ALK: variants seen among roughly 807,000 people sequenced by gnomAD.
ALK encodes ALK tyrosine kinase receptor.
In ALK, 74 loss-of-function variants were observed where a neutral mutation model predicts 163.1. The ratio of observed to expected loss-of-function variants is 0.45; its 90% CI spans 0.38 to 0.55. ALK has a LOEUF of 0.55. Ranked by LOEUF, ALK falls within the 20% of genes least tolerant of loss-of-function variation. ALK has a pLI of 0.00. For synonymous variants in ALK, 960 were observed against 843.2 expected (o/e 1.14, Z -2.40); for missense variants, 2,063 against 2,105.3 (o/e 0.98, Z 0.39).
chr2:29,340,984 C>T (rs1199134983), intron 5 of ALK, among the ~76,000 whole-genome samples: 2 of 152,174 alleles, frequency 1.3e-5, no homozygotes, highest in African/African-American at 4.8e-5. Context: ...GAGAACTTAG[C>T]GTGTGTTTCA....
chr2:29,720,486 G>A (rs1450060208), intron 1 of ALK, among the ~76,000 whole-genome samples: 3 of 152,192 alleles, frequency 2.0e-5, no homozygotes, highest in African/African-American at 2.4e-5. Flanking sequence ...AGAGTAGGGA[G>A]TGCAAGTGAT....
intron 11 of ALK, among the ~76,000 whole-genome samples, chr2:29,262,180 A>G (rs964139601): frequency 1.3e-5 from 2 of 152,212 alleles, no homozygotes; most frequent in African/African-American, 2.4e-5. Context: ...TAGAAAAGTT[A>G]AGCAATTGGC....
intron 11 of ALK, among the ~76,000 whole-genome samples, chr2:29,255,249 G>T (rs962257249): frequency 1.3e-5 from 2 of 152,206 alleles, no homozygotes; most frequent in Admixed American, 1.3e-4. Flanking sequence ...TGTGTGGGCT[G>T]CTCCAGCTTC....
chr2:29,717,298 G>A (rs1679289613), intron 2 of ALK, among the ~76,000 whole-genome samples: 2 of 152,260 alleles, frequency 1.3e-5, no homozygotes, highest in South Asian at 2.1e-4. Flanking sequence ...ATAAGGGGAT[G>A]GCTGGAACAC....
At chr2:29,821,910 C>G (rs568194139) in intron 1 of ALK, among the ~76,000 whole-genome samples, 1 of 152,300 alleles carries the variant, frequency 6.6e-6, no homozygotes, top group Admixed American at 6.5e-5. Flanking sequence ...AAGGGCCACT[C>G]TGAGGTGGCT....
chr2:29,882,394 A>G (rs985401586), intron 1 of ALK, among the ~76,000 whole-genome samples: 1 of 152,236 alleles, frequency 6.6e-6, no homozygotes, highest in Admixed American at 6.5e-5. Flanking sequence ...TAATTTGTTT[A>G]TAAAAACTAG....
At chr2:29,226,648 C>G (rs1664003874) in intron 18 of ALK, among the ~76,000 whole-genome samples, 1 of 152,114 alleles carries the variant, frequency 6.6e-6, no homozygotes, top group Admixed American at 6.5e-5. Flanking sequence ...CAGTAAGATC[C>G]CTGTCACTGG....
At chr2:29,231,531 G>A (rs1027773975) in intron 15 of ALK, among the ~76,000 whole-genome samples, 22 of 152,192 alleles carry the variant, frequency 1.4e-4, no homozygotes, top group African/African-American at 4.8e-4. Flanking sequence ...TTTCTCGGGT[G>A]CTGGGCCTCG....
intron 4 of ALK, among the ~76,000 whole-genome samples, chr2:29,471,065 A>G (rs1465005250): frequency 6.6e-6 from 1 of 152,184 alleles, no homozygotes; most frequent in African/African-American, 2.4e-5. Flanking sequence ...ACTATATTTT[A>G]ATGGAATACA....
At chr2:29,696,214 A>T (rs879009329) in intron 2 of ALK, among the ~76,000 whole-genome samples, 1 of 152,202 alleles carries the variant, frequency 6.6e-6, no homozygotes, top group African/African-American at 2.4e-5. Flanking sequence ...TTAAAAACGG[A>T]TGAGTTCATG....
chr2:29,776,829 A>C (rs975449375), intron 1 of ALK, among the ~76,000 whole-genome samples: 3 of 152,158 alleles, frequency 2.0e-5, no homozygotes, highest in Non-Finnish European at 4.4e-5. Flanking sequence ...AGAAAAAGAA[A>C]AAACAAGCCC....
chr2:29,726,595 C>T (rs1280250432), intron 1 of ALK, among the ~76,000 whole-genome samples: 1 of 152,230 alleles, frequency 6.6e-6, no homozygotes, highest in Admixed American at 6.5e-5. Flanking sequence ...ACTGGCTCTT[C>T]TCTTGACCTG....
intron 5 of ALK, among the ~76,000 whole-genome samples, chr2:29,343,204 T>C (rs957175702): frequency 7.0e-6 from 1 of 142,332 alleles, no homozygotes; most frequent in Non-Finnish European, 1.5e-5. Context: ...TTTTAAAATT[T>C]AAAAATTTTT....
chr2:29,703,773 G>T (rs575727839), intron 2 of ALK, among the ~76,000 whole-genome samples: 2 of 152,290 alleles, frequency 1.3e-5, no homozygotes, highest in Non-Finnish European at 2.9e-5. Context: ...GAGGCTGTTA[G>T]AACTTTAAGA....
intron 3 of ALK, among the ~76,000 whole-genome samples, chr2:29,546,763 C>T (rs1051505053): frequency 6.6e-6 from 1 of 152,130 alleles, no homozygotes; most frequent in Non-Finnish European, 1.5e-5. Context: ...TTTCTCTGGG[C>T]ATTCCATTGA....
At chr2:29,510,564 T>C (rs1331614575) in intron 4 of ALK, among the ~76,000 whole-genome samples, 1 of 152,256 alleles carries the variant, frequency 6.6e-6, no homozygotes, top group African/African-American at 2.4e-5. Flanking sequence ...TAAGTATTTA[T>C]TGTGTACAAT....
At chr2:29,724,496 A>C (rs2148312762) in intron 1 of ALK, among the ~76,000 whole-genome samples, 1 of 152,272 alleles carries the variant, frequency 6.6e-6, no homozygotes, top group Non-Finnish European at 1.5e-5. Flanking sequence ...CTGAGCCTGC[A>C]CCTGTTCAGC....
intron 4 of ALK, among the ~76,000 whole-genome samples, chr2:29,481,035 C>T (rs1462737009): frequency 6.6e-6 from 1 of 152,154 alleles, no homozygotes; most frequent in East Asian, 1.9e-4. Flanking sequence ...TCATATATCA[C>T]GTGGGTGTAT....
At chr2:29,345,557 A>G (rs758945402) in intron 5 of ALK, among the ~76,000 whole-genome samples, 3 of 152,040 alleles carry the variant, frequency 2.0e-5, no homozygotes, top group Non-Finnish European at 2.9e-5. Flanking sequence ...AAAGTTTGGC[A>G]GTATGTTTTA....
Sources: allele counts gnomAD v4.1 joint callset (sites outside exome capture counted in the v4.1 genomes callset), GRCh38; gene constraint gnomAD v4.1.1; transcripts MANE v1.5; gene names NCBI Gene and HGNC (gene_info 2026-07-23, HGNC 2026-07-21).